The following FGGY variants were observed in gnomAD, a reference collection of about 807,000 sequenced individuals.
FGGY encodes the protein FGGY carbohydrate kinase domain containing, also known as FGGY carbohydrate kinase domain-containing protein.
In FGGY, 72 loss-of-function variants were observed where a neutral mutation model predicts 71.3. The ratio of observed to expected loss-of-function variants is 1.01; its 90% CI spans 0.84 to 1.23. FGGY has a LOEUF of 1.23. Ranked by LOEUF, FGGY falls within the 50% of genes most tolerant of loss-of-function variation. FGGY has a pLI of 0.00. For missense variants in FGGY, 668 were observed against 682.3 expected, an observed-to-expected ratio of 0.98 and a Z score of 0.23; for synonymous variants, 251 against 250.3, an observed-to-expected ratio of 1.00 and a Z score of -0.02.
intron 14 of FGGY, among the ~76,000 whole-genome samples, chr1:59,732,579 G>A (rs1455177674): frequency 6.6e-6 from 1 of 152,002 alleles, no homozygotes; most frequent in Non-Finnish European, 1.5e-5. Context: ...GAGCAGGGTG[G>A]AGTTCTTATC....
At chr1:59,373,814 C>T (rs530342013) in intron 4 of FGGY, among the ~76,000 whole-genome samples, 30 of 152,254 alleles carry the variant, frequency 2.0e-4, no homozygotes, top group Non-Finnish European at 4.3e-4. Flanking sequence ...GGAAAGGATT[C>T]CCTATTTAAT....
At chr1:59,357,458 A>T (rs181955113) in intron 4 of FGGY, among the ~76,000 whole-genome samples, 1 of 152,306 alleles carries the variant, frequency 6.6e-6, no homozygotes, top group Admixed American at 6.5e-5. Context: ...CATTTTACAG[A>T]TGAATACAAG....
intron 14 of FGGY, among the ~76,000 whole-genome samples, chr1:59,729,409 G>T (rs980394724): frequency 6.6e-6 from 1 of 151,942 alleles, no homozygotes; most frequent in Admixed American, 6.6e-5. Flanking sequence ...TGTTTTTCTT[G>T]CCTTTTAGCA....
intron 7 of FGGY, among the ~76,000 whole-genome samples, chr1:59,545,565 G>A (rs1243889635): frequency 6.6e-6 from 1 of 152,128 alleles, no homozygotes; most frequent in Non-Finnish European, 1.5e-5. Context: ...TTTTTGCTTT[G>A]TCTTCACTGT....
chr1:59,550,042 TG>T (rs2095584220), intron 7 of FGGY, among the ~76,000 whole-genome samples: 1 of 152,234 alleles, frequency 6.6e-6, no homozygotes, highest in African/African-American at 2.4e-5. Context: ...ATTGAGCAAC[TG>T]CCATCAGTTG....
chr1:59,557,988 GT>G (rs2153711865), intron 8 of FGGY, among the ~76,000 whole-genome samples: 1 of 152,248 alleles, frequency 6.6e-6, no homozygotes, highest in Non-Finnish European at 1.5e-5. Flanking sequence ...TGAGATAGTG[GT>G]TCTCTATCAT....
At chr1:59,368,517 C>T (rs1006926640) in intron 4 of FGGY, among the ~76,000 whole-genome samples, 21 of 152,212 alleles carry the variant, frequency 1.4e-4, no homozygotes, top group African/African-American at 3.9e-4. Flanking sequence ...ATTACCTACA[C>T]GCCTCTGCAT....
intron 2 of FGGY, among the ~76,000 whole-genome samples, chr1:59,335,174 C>T (rs1329572044): frequency 6.6e-6 from 1 of 152,136 alleles, no homozygotes; most frequent in Admixed American, 6.5e-5. Context: ...TCACCTACTC[C>T]AGTTTTAGAA....
intron 2 of FGGY, among the ~76,000 whole-genome samples, chr1:59,335,438 T>A (rs2049299531): frequency 6.6e-6 from 1 of 152,238 alleles, no homozygotes; most frequent in East Asian, 1.9e-4. Context: ...AATACTTTAT[T>A]TAACAGTTGG....
intron 5 of FGGY, among the ~76,000 whole-genome samples, chr1:59,382,523 A>G (rs2059590879): frequency 6.6e-6 from 1 of 152,130 alleles, no homozygotes; most frequent in Non-Finnish European, 1.5e-5. Flanking sequence ...GTAATTAGTC[A>G]CCATTATGGT....
At chr1:59,367,240 A>G (rs2056747390) in intron 4 of FGGY, among the ~76,000 whole-genome samples, 1 of 152,218 alleles carries the variant, frequency 6.6e-6, no homozygotes, top group Admixed American at 6.5e-5. Flanking sequence ...GAAACACACA[A>G]TTATTTTATT....
chr1:59,304,550 G>A (rs544240969), intron 1 of FGGY, among the ~76,000 whole-genome samples: 1 of 150,472 alleles, frequency 6.6e-6, no homozygotes, highest in East Asian at 1.9e-4. Flanking sequence ...GCTATTTGGA[G>A]TTTTTTGTGG....
chr1:59,533,718 C>T (rs2095230804), intron 7 of FGGY, among the ~76,000 whole-genome samples: 1 of 152,220 alleles, frequency 6.6e-6, no homozygotes, highest in South Asian at 2.1e-4. Flanking sequence ...AACTGAGAGG[C>T]ACCCCCCAGC....
chr1:59,742,436 G>A (rs141027820), intron 14 of FGGY, among the ~76,000 whole-genome samples: 5 of 152,238 alleles, frequency 3.3e-5, no homozygotes, highest in African/African-American at 4.8e-5. Context: ...TTTCCCTCCC[G>A]CTGTTCTGAA....
rs992255963 is a variant in FGGY, at chr1:59,651,409, G to C, written c.1222-8810G>C. Among the ~76,000 whole-genome samples, 146 of 148,532 alleles carry C rather than the reference G, an allele frequency of 9.8e-4. 5 individuals carry two copies. In the South Asian group the frequency reaches 0.03, roughly 30 times the overall value. The stretch of plus-strand genomic sequence containing the variant: ...TCTAAGTCTCTTTGTAGGTCACTCA[G>C]GACTTGCTTTATGAATCTGGGTGCT... On this transcript the variant is annotated intron_variant, in intron 11 of 15. Coordinates refer to ENST00000303721, the MANE Select transcript of FGGY (RefSeq NM_018291.5).
intron 14 of FGGY, among the ~76,000 whole-genome samples, chr1:59,679,391 T>C (rs1274070158): frequency 1.3e-5 from 2 of 152,178 alleles, no homozygotes; most frequent in African/African-American, 4.8e-5. Flanking sequence ...CTGATTATCA[T>C]TATTTTAGTT....
At chr1:59,750,274 C>T (rs10489423) in intron 14 of FGGY, among the ~76,000 whole-genome samples, 6,848 of 152,128 alleles carry the variant, frequency 0.045, 248 homozygotes, top group East Asian at 0.13. Flanking sequence ...GTTTTAGAGT[C>T]AAAATTAGAG....
chr1:59,472,138 G>A lies in FGGY; in HGVS notation c.670+15062G>A, dbSNP rs534430671. Among the ~76,000 whole-genome samples the A allele has an allele frequency of 4.0e-3, 613 of 152,334 alleles. 6 individuals carry two copies. The highest frequency in any genetic ancestry group is 0.014 in the African/African-American group (586 of 41,584). ...CGGGGAGGTGTGGAAGGAGAGGCGC[G>A]GGCGGGAACCGGGGCTGCGCGCAGT... is the stretch of plus-strand genomic sequence containing the variant. On this transcript the variant is annotated intron_variant, in intron 6 of 15. Transcript: ENST00000303721.
chr1:59,306,659 C>T (rs766776960), intron 1 of FGGY, among the ~76,000 whole-genome samples: 1 of 152,162 alleles, frequency 6.6e-6, no homozygotes, highest in Non-Finnish European at 1.5e-5. Flanking sequence ...ATTGCTCAAA[C>T]CCAACTAGAA....
Sources: gnomAD v4.1 joint callset for allele counts (sites outside exome capture counted in the v4.1 genomes callset) on GRCh38, gnomAD v4.1.1 for gene constraint, MANE v1.5 for transcripts, NCBI Gene and HGNC (gene_info 2026-07-23, HGNC 2026-07-21) for gene names.